The following LOC400499 variants were observed in gnomAD, a reference collection of about 807,000 sequenced individuals.
chr16:11,445,240 G>A, the LOC400499 span, among the ~76,000 whole-genome samples: 8 of 152,190 alleles, frequency 5.3e-5, no homozygotes, highest in Admixed American at 4.6e-4. Flanking sequence ...GGCCAACATG[G>A]TAAAACCCAG....
chr16:11,501,351 G>C, the LOC400499 span, among the ~76,000 whole-genome samples: 2 of 151,946 alleles, frequency 1.3e-5, no homozygotes, highest in South Asian at 4.2e-4. Context: ...CACAACATCA[G>C]GACATTTATT....
chr16:11,406,572 A>G, the LOC400499 span, among the ~76,000 whole-genome samples: 2 of 152,236 alleles, frequency 1.3e-5, no homozygotes, highest in Non-Finnish European at 2.9e-5. Context: ...AGCTGGGATT[A>G]TAGGCATGTG....
the LOC400499 span, among the ~76,000 whole-genome samples, chr16:11,397,877 G>A: frequency 2.0e-5 from 3 of 151,924 alleles, no homozygotes; most frequent in African/African-American, 7.3e-5. Flanking sequence ...ACATGGGAGG[G>A]CAGATATACG....
the LOC400499 span, among the ~76,000 whole-genome samples, chr16:11,503,834 A>G: frequency 6.6e-6 from 1 of 152,186 alleles, no homozygotes; most frequent in Admixed American, 6.5e-5. Flanking sequence ...GCTAACTGCC[A>G]CCATCGCAGC....
the LOC400499 span, among the ~76,000 whole-genome samples, chr16:11,511,318 C>T: frequency 0.026 from 3,996 of 152,198 alleles, 185 homozygotes; most frequent in African/African-American, 0.091. Flanking sequence ...GTAACTTTCC[C>T]CATAACCTAT....
chr16:11,472,291 C>T, the LOC400499 span: 1 of 151,898 alleles, frequency 6.6e-6, no homozygotes, highest in African/African-American at 2.4e-5. Context: ...CTCCCAGGTT[C>T]AAGTGATTCT....
the LOC400499 span, among the ~76,000 whole-genome samples, chr16:11,373,232 C>T: frequency 5.3e-5 from 8 of 152,338 alleles, no homozygotes; most frequent in South Asian, 1.0e-3. Flanking sequence ...AGAGGGACTG[C>T]TCTGCTGTTT....
the LOC400499 span, chr16:11,439,452 C>T: frequency 1.5e-5 from 6 of 398,748 alleles, no homozygotes; most frequent in African/African-American, 6.2e-5. Context: ...CCTTGGCAGG[C>T]GAGTCAAGGT....
chr16:11,407,177 G>A, the LOC400499 span: 3 of 398,862 alleles, frequency 7.5e-6, no homozygotes, highest in South Asian at 1.3e-4. Context: ...GCGTGCTCCG[G>A]CCCTGGGCTG....
the LOC400499 span, among the ~76,000 whole-genome samples, chr16:11,455,909 G>A: frequency 1.3e-5 from 2 of 151,932 alleles, no homozygotes; most frequent in African/African-American, 2.4e-5. Flanking sequence ...CAAGAGCAGA[G>A]AGCATAATAC....
chr16:11,387,036 T>A, the LOC400499 span: 1 of 1,146,300 alleles, frequency 8.7e-7, no homozygotes, highest in Non-Finnish European at 1.1e-6. Context: ...GCTACTAGCC[T>A]ATGGAGGCTT....
At chr16:11,373,490 C>T in the LOC400499 span, among the ~76,000 whole-genome samples, 3 of 152,064 alleles carry the variant, frequency 2.0e-5, no homozygotes, top group Admixed American at 6.5e-5. Flanking sequence ...CCTGCCACCA[C>T]GCCCGGCTAA....
chr16:11,400,205 A>C, the LOC400499 span, among the ~76,000 whole-genome samples: 1 of 152,008 alleles, frequency 6.6e-6, no homozygotes, highest in East Asian at 1.9e-4. Flanking sequence ...CATCCCTCCC[A>C]GTCACTCTGT....
the LOC400499 span, chr16:11,385,290 A>G: frequency 8.1e-7 from 1 of 1,232,286 alleles, no homozygotes; most frequent in Non-Finnish European, 1.0e-6. Context: ...TGTCCGACTC[A>G]GCGTCAGCGA....
chr16:11,464,059 CAT>C, the LOC400499 span, among the ~76,000 whole-genome samples: 124 of 152,218 alleles, frequency 8.1e-4, no homozygotes, highest in East Asian at 2.3e-3. Flanking sequence ...TCTGTACAGA[CAT>C]GTGTACAGAT....
chr16:11,480,408 A>G, the LOC400499 span, among the ~76,000 whole-genome samples: 4 of 152,198 alleles, frequency 2.6e-5, no homozygotes, highest in Admixed American at 6.5e-5. Flanking sequence ...GGTGGTTAGG[A>G]AACATGTGAC....
the LOC400499 span, chr16:11,414,292 G>C: frequency 2.5e-6 from 1 of 399,142 alleles, no homozygotes; most frequent in East Asian, 3.6e-5. Context: ...CCAGGAATTG[G>C]ACAGAGAGAA....
the LOC400499 span, among the ~76,000 whole-genome samples, chr16:11,397,892 T>C: frequency 6.6e-6 from 1 of 151,214 alleles, no homozygotes; most frequent in Admixed American, 6.6e-5. Flanking sequence ...TATACGGGGA[T>C]GGATGGAAGA....
At chr16:11,463,746 T>G in the LOC400499 span, among the ~76,000 whole-genome samples, 1 of 152,144 alleles carries the variant, frequency 6.6e-6, no homozygotes, top group Non-Finnish European at 1.5e-5. Flanking sequence ...TATGTATATA[T>G]ATGGATGTGT....
Sources: allele counts gnomAD v4.1 joint callset (sites outside exome capture counted in the v4.1 genomes callset), GRCh38; gene constraint gnomAD v4.1.1; transcripts MANE v1.5.